RCOR1: variants seen among roughly 807,000 people sequenced by gnomAD.
RCOR1 encodes REST corepressor 1.
A neutral mutation model predicts 64.0 loss-of-function variants in RCOR1; 12 were observed. The observed-to-expected ratio is 0.19, with a 90% confidence interval of 0.12 to 0.30. The LOEUF (loss-of-function observed/expected upper bound fraction) is 0.30. RCOR1 is among the 10% of genes least tolerant of loss of function. RCOR1 has a pLI of 1.00. For missense variants in RCOR1, 502 were observed against 621.2 expected (o/e 0.81, Z 2.04); for synonymous variants, 279 against 227.2 (o/e 1.23, Z -2.05).
rs1895250296 is a variant in RCOR1, at chr14:102,679,064, C to T, written c.362-2831C>T. ...TATGCGATATGCAAATATTTTCTTA[C>T]AGTCCGTAGTGTATCTCAACAGTGC... On this transcript the variant is annotated intron_variant, in intron 2 of 11. Transcript: ENST00000262241. Among the ~76,000 whole-genome samples, 2 of 152,196 alleles carry T rather than the reference C, an allele frequency of 1.3e-5. 1 individual carries two copies. Among genetic ancestry groups the T allele is most frequent in the South Asian group, 4.1e-4 (2 of 4,832 alleles).
At chr14:102,625,071 T>A (rs964162394) in intron 2 of RCOR1, among the ~76,000 whole-genome samples, 1 of 151,896 alleles carries the variant, frequency 6.6e-6, no homozygotes, top group African/African-American at 2.4e-5. Flanking sequence ...GATAAGGTGT[T>A]ACTGTGTTGC....
chr14:102,635,569 AAGT>A (rs1247090018), intron 2 of RCOR1, among the ~76,000 whole-genome samples: 1 of 152,132 alleles, frequency 6.6e-6, no homozygotes, highest in Non-Finnish European at 1.5e-5. Flanking sequence ...AATGAGCTAA[AAGT>A]AGCTATATTA....
chr14:102,643,388 A>G (rs1283875142), intron 2 of RCOR1: 1 of 809,668 alleles, frequency 1.2e-6, no homozygotes, highest in African/African-American at 1.9e-5. Context: ...ATGTTGAGTA[A>G]TGGGATAGTA....
chr14:102,606,293 C>T (rs1303066356), intron 2 of RCOR1, among the ~76,000 whole-genome samples: 1 of 152,054 alleles, frequency 6.6e-6, no homozygotes, highest in Non-Finnish European at 1.5e-5. Context: ...AACTCCTGAC[C>T]TCAGGTGATT....
chr14:102,653,687 C>G (rs1305963315), intron 2 of RCOR1, among the ~76,000 whole-genome samples: 3 of 151,914 alleles, frequency 2.0e-5, no homozygotes, highest in African/African-American at 7.3e-5. Context: ...AGCTCTCGGG[C>G]GATCGGGTCG....
intron 2 of RCOR1, among the ~76,000 whole-genome samples, chr14:102,596,100 CAA>C (rs1893237563): frequency 6.6e-6 from 1 of 151,098 alleles, no homozygotes; most frequent in African/African-American, 2.5e-5. Flanking sequence ...AGAAATGATA[CAA>C]CATTTTTTTT....
chr14:102,592,971 G>A lies in RCOR1; in HGVS notation c.85G>A (p.Ala29Thr), dbSNP rs1398097558. The A allele has an allele frequency of 4.3e-6, 5 of 1,153,840 alleles. No individual in the cohort carries two copies. The highest frequency in any genetic ancestry group is 1.7e-5 in the African/African-American group (1 of 60,256). The allele number at this position is 1,153,840 out of a possible 1,614,324, so 71.5% of individuals were successfully genotyped here. ...CGCGGCCGCCTCCGCCTCCGCCGCC[G>A]CCGCCTCCGCCGCCGCCTCGGCCGC... ...NNAAASASAA[A>T]ASAAASAACA... The change falls in exon 1 of 12, where the codon GCC becomes ACC. Residue 29 changes from alanine (A) to threonine (T), a missense_variant. Around this residue, in one of 2 missense-constraint regions of RCOR1, gnomAD observed 242 missense variants for 204.9 expected, o/e 1.18. Coordinates refer to ENST00000262241, the MANE Select transcript of RCOR1 (RefSeq NM_015156.4).
intron 2 of RCOR1, among the ~76,000 whole-genome samples, chr14:102,609,903 G>A (rs890275998): frequency 2.8e-4 from 43 of 151,878 alleles, no homozygotes; most frequent in African/African-American, 1.0e-3. Flanking sequence ...ACTTTGGGAG[G>A]CCGAGGCAGG....
At chr14:102,697,355 C>A (rs766298866) in intron 3 of RCOR1, among the ~76,000 whole-genome samples, 11 of 152,142 alleles carry the variant, frequency 7.2e-5, no homozygotes, top group Non-Finnish European at 1.2e-4. Flanking sequence ...TGAGACAGAG[C>A]CAGAATTTGA....
chr14:102,703,090 C>G (rs1368991376), intron 4 of RCOR1, among the ~76,000 whole-genome samples: 1 of 152,166 alleles, frequency 6.6e-6, no homozygotes, highest in Non-Finnish European at 1.5e-5. Flanking sequence ...GAAAAATTCA[C>G]TAGACGTGCT....
At chr14:102,655,357 C>G in intron 2 of RCOR1, 1 of 985,270 alleles carries the variant, frequency 1.0e-6, no homozygotes. Flanking sequence ...TGGCAGGAAG[C>G]TGAATGACTC....
At chr14:102,668,644 G>A (rs1012969657) in intron 2 of RCOR1, among the ~76,000 whole-genome samples, 6 of 152,022 alleles carry the variant, frequency 3.9e-5, no homozygotes, top group African/African-American at 9.7e-5. Flanking sequence ...GCAGGGGGGC[G>A]GGGCGGTGCT....
intron 2 of RCOR1, among the ~76,000 whole-genome samples, chr14:102,627,881 CAT>C (rs1437276339): frequency 4.6e-5 from 7 of 151,734 alleles, no homozygotes; most frequent in African/African-American, 1.7e-4. Flanking sequence ...ACCCAAGAGA[CAT>C]ATGTGTCTGT....
intron 2 of RCOR1, chr14:102,659,170 G>C: frequency 1.0e-6 from 1 of 984,900 alleles, no homozygotes; most frequent in South Asian, 4.7e-5. Flanking sequence ...TTAAAAAGAA[G>C]CTCTTTAGAT....
At chr14:102,649,795 A>G in intron 2 of RCOR1, 1 of 984,848 alleles carries the variant, frequency 1.0e-6, no homozygotes, top group Non-Finnish European at 1.2e-6. Flanking sequence ...GTTTACTGTA[A>G]AAAATCTGGT....
chr14:102,667,423 C>T (rs1894936855), intron 2 of RCOR1, among the ~76,000 whole-genome samples: 1 of 151,964 alleles, frequency 6.6e-6, no homozygotes, highest in Non-Finnish European at 1.5e-5. Flanking sequence ...ATTGCTTGAA[C>T]CCAGGAGATG....
intron 3 of RCOR1, among the ~76,000 whole-genome samples, chr14:102,691,429 C>T (rs145791642): frequency 7.2e-5 from 11 of 152,166 alleles, no homozygotes; most frequent in East Asian, 3.9e-4. Flanking sequence ...AACCTGCACA[C>T]GTGCCCCCGA....
At chr14:102,651,559 A>AAAAAAG (rs1023658081) in intron 2 of RCOR1, among the ~76,000 whole-genome samples, 1 of 151,954 alleles carries the variant, frequency 6.6e-6, no homozygotes, top group African/African-American at 2.4e-5. Flanking sequence ...TCTCAAAAAA[A>AAAAAAG]AAAAAGAAAA....
At chr14:102,680,875 C>G (rs182227246) in intron 2 of RCOR1, among the ~76,000 whole-genome samples, 20 of 152,324 alleles carry the variant, frequency 1.3e-4, no homozygotes, top group African/African-American at 4.3e-4. Context: ...ACATCCTCTT[C>G]CCATCTGCAA....
Sources: gnomAD v4.1 joint callset for allele counts (sites outside exome capture counted in the v4.1 genomes callset) on GRCh38, gnomAD v4.1.1 for gene constraint, gnomAD v4.1.1 regional missense constraint, MANE v1.5 for transcripts, NCBI Gene and HGNC (gene_info 2026-07-23, HGNC 2026-07-21) for gene names.